Variants in SYT9 observed in about 807,000 individuals in gnomAD.
SYT9 encodes synaptotagmin 9.
In SYT9, 22 loss-of-function variants were observed where a neutral mutation model predicts 48.4. The ratio of observed to expected loss-of-function variants is 0.45; its 90% confidence interval spans 0.32 to 0.65. The LOEUF (loss-of-function observed/expected upper bound fraction) is 0.65, where lower values mean the gene tolerates loss of function less well. Among genes scored for constraint, SYT9 ranks in the 30% least tolerant of loss-of-function variants. The pLI, the probability that SYT9 is intolerant of heterozygous loss-of-function variation, is 0.03. For synonymous variants in SYT9, 265 were observed against 245.0 expected, an observed-to-expected ratio of 1.08 and a Z score of -0.76; for missense variants, 577 against 622.0, an observed-to-expected ratio of 0.93 and a Z score of 0.77.
chr11:7,458,132 C>T (rs1848179175), intron 6 of SYT9, among the ~76,000 whole-genome samples: 1 of 152,186 alleles, frequency 6.6e-6, no homozygotes, highest in African/African-American at 2.4e-5. Context: ...TCTAGTGAAA[C>T]TTGACTAGTG....
At chr11:7,425,171 G>A (rs1321746602) in intron 6 of SYT9, among the ~76,000 whole-genome samples, 1 of 152,156 alleles carries the variant, frequency 6.6e-6, no homozygotes, top group Non-Finnish European at 1.5e-5. Flanking sequence ...TTGATTAGGT[G>A]TCCATCCCGG....
chr11:7,374,018 A>G (rs1191105443), intron 3 of SYT9, among the ~76,000 whole-genome samples: 1 of 151,964 alleles, frequency 6.6e-6, no homozygotes, highest in Non-Finnish European at 1.5e-5. Flanking sequence ...GGTTTCCTGC[A>G]CCCATCAACC....
chr11:7,348,046 A>C (rs185726412), intron 3 of SYT9, among the ~76,000 whole-genome samples: 56 of 152,324 alleles, frequency 3.7e-4, no homozygotes, highest in African/African-American at 1.3e-3. Context: ...GACTTTCCTG[A>C]ATACTTGGAT....
At chr11:7,319,387 G>T (rs1849300639) in intron 3 of SYT9, among the ~76,000 whole-genome samples, 1 of 124,686 alleles carries the variant, frequency 8.0e-6, no homozygotes, top group Admixed American at 8.7e-5. Flanking sequence ...CTTTGATTTT[G>T]CCATTATAAA....
intron 6 of SYT9, chr11:7,457,934 G>C (rs1220743485): frequency 6.6e-6 from 1 of 152,182 alleles, no homozygotes; most frequent in Non-Finnish European, 1.5e-5. Flanking sequence ...TCACTGTATG[G>C]CATCATTTGC....
chr11:7,378,061 G>C (rs964610469), intron 3 of SYT9, among the ~76,000 whole-genome samples: 3 of 150,816 alleles, frequency 2.0e-5, no homozygotes, highest in Admixed American at 1.3e-4. Context: ...AAAGCAGAGA[G>C]CACAGGCTAG....
At chr11:7,300,522 A>AAT (rs1848899171) in intron 1 of SYT9, among the ~76,000 whole-genome samples, 2 of 152,176 alleles carry the variant, frequency 1.3e-5, no homozygotes, top group South Asian at 4.1e-4. Flanking sequence ...CAGTTATCTC[A>AAT]TCACATTCCT....
At chr11:7,262,425 A>G (rs1021189950) in intron 1 of SYT9, among the ~76,000 whole-genome samples, 3 of 152,114 alleles carry the variant, frequency 2.0e-5, no homozygotes, top group Non-Finnish European at 2.9e-5. Context: ...CATGTATGTG[A>G]TATGGGTCTG....
At chr11:7,297,715 G>T (rs771146705) in intron 1 of SYT9, among the ~76,000 whole-genome samples, 3 of 152,062 alleles carry the variant, frequency 2.0e-5, no homozygotes, top group African/African-American at 7.2e-5. Flanking sequence ...CAAGTAACTT[G>T]CTATGATAAA....
In SYT9 at chr11:7,328,125, TTTGTC is replaced by T. The variant is rs1388082313; in HGVS notation, c.1044+14189_1044+14193del. ...TTTTAAAAAAAATTTTTCTTTTAGT[TTTGTC>T]TTGTATATTTCTATTTTTTTAACTT... On this transcript the variant is annotated intron_variant, in intron 3 of 6. Coordinates refer to ENST00000318881, the MANE Select transcript of SYT9 (RefSeq NM_175733.4). Among the ~76,000 whole-genome samples the T allele has an allele frequency of 1.3e-4, 20 of 151,630 alleles. 1 individual carries two copies. The highest frequency in any genetic ancestry group is 4.6e-4 in the African/African-American group (19 of 41,362).
At chr11:7,397,356 C>G (rs1169943158) in intron 3 of SYT9, among the ~76,000 whole-genome samples, 1 of 152,068 alleles carries the variant, frequency 6.6e-6, no homozygotes, top group Non-Finnish European at 1.5e-5. Flanking sequence ...TAGGTATAGC[C>G]TCTTCATTTT....
chr11:7,447,397 G>C (rs560963521), intron 6 of SYT9, among the ~76,000 whole-genome samples: 1 of 152,110 alleles, frequency 6.6e-6, no homozygotes, highest in Non-Finnish European at 1.5e-5. Context: ...TTTATGCCCC[G>C]GCCCCAGCAC....
chr11:7,365,255 G>A (rs1253778528), intron 3 of SYT9, among the ~76,000 whole-genome samples: 7 of 151,870 alleles, frequency 4.6e-5, no homozygotes, highest in Non-Finnish European at 8.8e-5. Flanking sequence ...TGATTCGTTG[G>A]GAAAATAAAT....
intron 3 of SYT9, among the ~76,000 whole-genome samples, chr11:7,343,265 T>C (rs1008711033): frequency 3.9e-5 from 6 of 152,246 alleles, no homozygotes; most frequent in African/African-American, 1.2e-4. Context: ...TTCTATTGCA[T>C]GGTCAGGCTG....
chr11:7,389,824 G>A (rs1850729421), intron 3 of SYT9, among the ~76,000 whole-genome samples: 1 of 151,898 alleles, frequency 6.6e-6, no homozygotes, highest in Non-Finnish European at 1.5e-5. Context: ...CTTAAAACCT[G>A]CTTGGGAGGA....
At chr11:7,395,641 C>CCATT (rs1846737377) in intron 3 of SYT9, among the ~76,000 whole-genome samples, 1 of 151,942 alleles carries the variant, frequency 6.6e-6, no homozygotes, top group Non-Finnish European at 1.5e-5. Flanking sequence ...GTATGTTTTA[C>CCATT]CTGATGGAAG....
chr11:7,416,816 A>G (rs1432054195), intron 4 of SYT9, among the ~76,000 whole-genome samples: 1 of 152,222 alleles, frequency 6.6e-6, no homozygotes, highest in African/African-American at 2.4e-5. Flanking sequence ...CTCCCTCACC[A>G]TAATTGTGAA....
intron 1 of SYT9, among the ~76,000 whole-genome samples, chr11:7,271,041 A>G (rs1412225520): frequency 6.6e-6 from 1 of 152,132 alleles, no homozygotes; most frequent in Non-Finnish European, 1.5e-5. Context: ...AATCTGAAGC[A>G]TAATAGTCAC....
chr11:7,361,927 A>G (rs1850144106), intron 3 of SYT9, among the ~76,000 whole-genome samples: 1 of 152,166 alleles, frequency 6.6e-6, no homozygotes, highest in Non-Finnish European at 1.5e-5. Context: ...TTTCAAATTT[A>G]TGGTCACTGA....
Sources: allele counts gnomAD v4.1 joint callset (sites outside exome capture counted in the v4.1 genomes callset), GRCh38; gene constraint gnomAD v4.1.1; transcripts MANE v1.5; gene names NCBI Gene and HGNC (gene_info 2026-07-23, HGNC 2026-07-21).